Variants in PTPN14 observed in about 807,000 individuals in gnomAD.
PTPN14 encodes protein tyrosine phosphatase non-receptor type 14.
PTPN14 carries 53 observed loss-of-function variants against 126.8 expected under a neutral mutation model. The observed-to-expected ratio is 0.42, with a 90% confidence interval of 0.34 to 0.53. The LOEUF is 0.53. Ranked by LOEUF, PTPN14 falls within the 20% of genes least tolerant of loss-of-function variation. The pLI is 0.08. For missense variants in PTPN14, 1,257 were observed against 1,552.9 expected (o/e 0.81, Z 3.20); for synonymous variants, 630 against 599.3 (o/e 1.05, Z -0.75).
In PTPN14 at chr1:214,350,477, TC is replaced by T. The variant is rs1657681383; in HGVS notation, c.*7444del. 1 of 151,864 alleles carries T rather than the reference TC, an allele frequency of 6.6e-6. No homozygotes were observed. The highest frequency in any genetic ancestry group is 2.4e-5 in the African/African-American group (1 of 41,322). 9.4% of individuals were successfully genotyped at this position (151,864 alleles called of 1,614,324 possible). A position where few individuals can be genotyped will look rare whatever the true frequency, so the allele number is the denominator to read the frequency against. On this transcript the variant is annotated 3_prime_UTR_variant, in exon 19 of 19. Transcript: ENST00000366956. ...GAACAAAAGGGTGAGAAAGGGAGCT[TC>T]CTGCTTGCTGAGTTTTCTAGCTATT...
chr1:214,378,138 A>G, intron 13 of PTPN14, 36 bp from the exon 14 acceptor site: 1 of 1,581,434 alleles, frequency 6.3e-7, no homozygotes, highest in Non-Finnish European at 8.6e-7. Flanking sequence ...CATTGTTTAT[A>G]ATACTAGTAG....
chr1:214,422,114 G>A (rs961236989), intron 3 of PTPN14, among the ~76,000 whole-genome samples: 2 of 152,136 alleles, frequency 1.3e-5, no homozygotes, highest in Non-Finnish European at 2.9e-5. Context: ...TCCTAGCAAA[G>A]CTATTAGATG....
At chr1:214,447,501 G>C (rs74226185) in intron 3 of PTPN14, among the ~76,000 whole-genome samples, 1 of 151,948 alleles carries the variant, frequency 6.6e-6, no homozygotes, top group Non-Finnish European at 1.5e-5. Context: ...GTTGTTGGTG[G>C]CCCTCAACCT....
At chr1:214,469,781 C>G (rs370411128) in intron 1 of PTPN14, among the ~76,000 whole-genome samples, 1 of 136,166 alleles carries the variant, frequency 7.3e-6, no homozygotes, top group Non-Finnish European at 1.6e-5. Context: ...AACCAAGGAA[C>G]CACTCTAGTA....
rs183838386 is a variant in PTPN14 at position 214,386,857 on chromosome 1, C to T, written c.1053G>A (p.Thr351=). The stretch of plus-strand genomic sequence containing the variant: ...AGCCAGAGTTACCTTGCGAGGTGTG[C>T]GTTTCCGAGTAGTGCTCACCACACT... ...HVQCGEHYSE[T]HTSQDSIFHG... is the part of the protein sequence containing the mutation. Residue 351 remains threonine (T), a synonymous_variant, in exon 12 of 19, where the codon ACG becomes ACA. Transcript: ENST00000366956. The T allele has an allele frequency of 1.2e-4, 193 of 1,602,660 alleles. No homozygotes were observed. The East Asian group carries it at 1.3e-3, about 11-fold the overall frequency.
chr1:214,505,453 G>T (rs1209139516), intron 1 of PTPN14, among the ~76,000 whole-genome samples: 1 of 152,164 alleles, frequency 6.6e-6, no homozygotes, highest in Non-Finnish European at 1.5e-5. Flanking sequence ...GGTCCCTTCG[G>T]GGGGGTGGGG....
intron 16 of PTPN14, among the ~76,000 whole-genome samples, chr1:214,370,082 C>A (rs1433732888): frequency 6.6e-6 from 1 of 152,148 alleles, no homozygotes; most frequent in Admixed American, 6.5e-5. Flanking sequence ...AGATCGAGAC[C>A]ATCCTGGCTA....
intron 1 of PTPN14, among the ~76,000 whole-genome samples, chr1:214,487,030 G>A (rs1229465567): frequency 2.6e-5 from 4 of 151,384 alleles, no homozygotes; most frequent in Non-Finnish European, 4.4e-5. Flanking sequence ...AATAAATACT[G>A]GAAAAAAATC....
rs1657786369 is a variant in PTPN14 at position 214,355,058 on chromosome 1, T to C, written c.*2864A>G. The C allele has an allele frequency of 6.6e-6, 1 of 152,220 alleles. No individual in the cohort carries two copies. Among genetic ancestry groups the C allele is most frequent in the African/African-American group, 2.4e-5 (1 of 41,462 alleles). The allele number at this position is 152,220 out of a possible 1,614,324, so 9.4% of individuals were successfully genotyped here. A position where few individuals can be genotyped will look rare whatever the true frequency, so the allele number is the denominator to read the frequency against. On this transcript the variant is annotated 3_prime_UTR_variant, in exon 19 of 19. Coordinates refer to ENST00000366956, the MANE Select transcript of PTPN14 (RefSeq NM_005401.5). ...TGGAGATGTGAAAAGGAATGCAAAA[T>C]GTGCTAAAGAACCAAAGGCATTTGT...
At position 214,383,409 on chromosome 1, in the gene PTPN14, C is replaced by T. The variant is rs1209052383; in HGVS notation, c.2446G>A (p.Val816Met). 3 of 1,614,154 alleles carry T rather than the reference C, an allele frequency of 1.9e-6. No individual in the cohort carries two copies. The highest frequency in any genetic ancestry group is 2.5e-6 in the Non-Finnish European group (3 of 1,180,060). ...PSISEPDLTS[V>M]KERVKKEPVK... ...GGCTCTTTTTTGACCCGCTCCTTCACACTAGTCAGGTCGGGTTCCGAGATG... is the reference window on the plus strand; with the variant it reads ...GGCTCTTTTTTGACCCGCTCCTTCATACTAGTCAGGTCGGGTTCCGAGATG... The change falls in exon 13 of 19, where the codon GTG becomes ATG. Residue 816 changes from valine (V) to methionine (M), a missense_variant. Val to Met is a conservative substitution (Grantham distance 21). Coordinates refer to ENST00000366956, the MANE Select transcript of PTPN14 (RefSeq NM_005401.5). This position sits in a 1 kb window ranked among gnomAD's most constrained non-coding sequence, Gnocchi z 4.4.
At chr1:214,525,600 G>A (rs976693190) in intron 1 of PTPN14, among the ~76,000 whole-genome samples, 2 of 152,056 alleles carry the variant, frequency 1.3e-5, no homozygotes, top group Non-Finnish European at 2.9e-5. Context: ...CACTCTGACC[G>A]CAAATTCAAC....
chr1:214,430,861 G>C (rs1659781896), intron 3 of PTPN14, among the ~76,000 whole-genome samples: 1 of 152,098 alleles, frequency 6.6e-6, no homozygotes, highest in South Asian at 2.1e-4. Context: ...ATATTTTTAT[G>C]TGACCATCTA....
chr1:214,363,400 G>A (rs939231283), intron 18 of PTPN14, among the ~76,000 whole-genome samples: 7 of 152,256 alleles, frequency 4.6e-5, no homozygotes, highest in African/African-American at 1.4e-4. Flanking sequence ...ATTTTCAAAC[G>A]ATTCATGCTA....
chr1:214,398,026 T>C (rs753267962), intron 7 of PTPN14, 25 bp from the exon 8 acceptor site: 12 of 1,545,430 alleles, frequency 7.8e-6, no homozygotes, highest in Non-Finnish European at 1.1e-5. Context: ...CAAAAGATAC[T>C]TGTGATGACC....
intron 1 of PTPN14, chr1:214,533,166 C>A: frequency 1.3e-6 from 1 of 756,484 alleles, no homozygotes. Context: ...TGGAGGTCCG[C>A]TACACCCTGC....
At chr1:214,392,222 AATTTT>A (rs1339136462) in intron 10 of PTPN14, among the ~76,000 whole-genome samples, 46 of 152,196 alleles carry the variant, frequency 3.0e-4, no homozygotes, top group African/African-American at 1.1e-3. Flanking sequence ...GAGAGAGTAT[AATTTT>A]GAGAGCGTGC....
At chr1:214,412,115 C>T (rs1287608560) in intron 4 of PTPN14, among the ~76,000 whole-genome samples, 1 of 152,180 alleles carries the variant, frequency 6.6e-6, no homozygotes, top group African/African-American at 2.4e-5. Flanking sequence ...ATCTGGAGAA[C>T]TGAAGAGCCA....
At chr1:214,472,160 C>A (rs1235282472) in intron 1 of PTPN14, among the ~76,000 whole-genome samples, 1 of 152,172 alleles carries the variant, frequency 6.6e-6, no homozygotes, top group East Asian at 1.9e-4. Context: ...ATGTCCTCAC[C>A]AAATCACATG....
At position 214,355,249 on chromosome 1, in the gene PTPN14, G is replaced by A. The variant is rs1227372262; in HGVS notation, c.*2673C>T. 1 of 152,178 alleles carries A rather than the reference G, an allele frequency of 6.6e-6. No homozygotes were observed. Among genetic ancestry groups the A allele is most frequent in the Non-Finnish European group, 1.5e-5 (1 of 68,032 alleles). The allele number at this position is 152,178 out of a possible 1,614,324, so 9.4% of individuals were successfully genotyped here. ...GGGACAGTGGATGAATTTCAGGGAA[G>A]CCCATGAGCTCTGACGACCTCAAAG... On this transcript the variant is annotated 3_prime_UTR_variant, in exon 19 of 19. Coordinates refer to ENST00000366956, the MANE Select transcript of PTPN14 (RefSeq NM_005401.5).
Sources: allele counts gnomAD v4.1 joint callset (sites outside exome capture counted in the v4.1 genomes callset), GRCh38; gene constraint gnomAD v4.1.1; non-coding constraint Gnocchi (gnomAD v3.1); transcripts MANE v1.5; gene names NCBI Gene and HGNC (gene_info 2026-07-23, HGNC 2026-07-21).